IGFBP7: variants seen among roughly 807,000 people sequenced by gnomAD.
IGFBP7 encodes insulin like growth factor binding protein 7, also known as insulin-like growth factor-binding protein 7.
Under a neutral mutation model 29.4 loss-of-function variants are expected in IGFBP7, and 31 were observed. The ratio of observed to expected loss-of-function variants is 1.05; its 90% CI spans 0.79 to 1.42. The LOEUF (loss-of-function observed/expected upper bound fraction) is 1.42. Ranked by LOEUF, IGFBP7 falls within the 40% of genes most tolerant of loss-of-function variation. IGFBP7 has a pLI of 0.00. For missense variants in IGFBP7, 393 were observed against 395.5 expected (o/e 0.99, Z 0.05); for synonymous variants, 172 against 174.9 (o/e 0.98, Z 0.13).
intron 1 of IGFBP7, among the ~76,000 whole-genome samples, chr4:57,047,312 T>A (rs955521253): frequency 6.6e-6 from 1 of 152,224 alleles, no homozygotes; most frequent in Non-Finnish European, 1.5e-5. Context: ...ACTTTGCTCC[T>A]CCTTCGCCTT....
chr4:57,061,339 C>T (rs1724795080), intron 1 of IGFBP7, among the ~76,000 whole-genome samples: 1 of 151,858 alleles, frequency 6.6e-6, no homozygotes, highest in Non-Finnish European at 1.5e-5. Flanking sequence ...ATATACATAC[C>T]TCTGATAAAA....
At chr4:57,109,791 G>A (rs1248801755) in intron 1 of IGFBP7, 86 bp downstream of exon 1, 3 of 1,431,784 alleles carry the variant, frequency 2.1e-6, no homozygotes, top group Middle Eastern at 2.5e-4. Flanking sequence ...AGCAGCGCGG[G>A]GCGAGGCCGC....
chr4:57,063,693 T>A (rs1283320952), intron 1 of IGFBP7, among the ~76,000 whole-genome samples: 2 of 152,174 alleles, frequency 1.3e-5, no homozygotes, highest in Admixed American at 6.5e-5. Context: ...GAGATTTTGA[T>A]TAACTGTGAC....
intron 1 of IGFBP7, among the ~76,000 whole-genome samples, chr4:57,045,433 A>G (rs1424192955): frequency 6.6e-6 from 1 of 152,252 alleles, no homozygotes; most frequent in Non-Finnish European, 1.5e-5. Flanking sequence ...GTGCTAAGAA[A>G]TAAGGCTACA....
At chr4:57,061,042 C>T (rs948097852) in intron 1 of IGFBP7, among the ~76,000 whole-genome samples, 14 of 143,496 alleles carry the variant, frequency 9.8e-5, no homozygotes, top group Non-Finnish European at 1.7e-4. Flanking sequence ...GGGGCAACAG[C>T]GAGATTTCGT....
chr4:57,076,317 T>G (rs1177999859), intron 1 of IGFBP7, among the ~76,000 whole-genome samples: 1 of 152,154 alleles, frequency 6.6e-6, no homozygotes, highest in Non-Finnish European at 1.5e-5. Flanking sequence ...GCTGATCTCT[T>G]TACTAGAACC....
intron 1 of IGFBP7, among the ~76,000 whole-genome samples, chr4:57,076,088 G>A (rs1326688731): frequency 6.6e-6 from 1 of 152,224 alleles, no homozygotes; most frequent in South Asian, 2.1e-4. Context: ...CAGGGTGCGA[G>A]CATGGTAGGG....
At chr4:57,038,840 G>T (rs1198723052) in intron 2 of IGFBP7, among the ~76,000 whole-genome samples, 2 of 152,084 alleles carry the variant, frequency 1.3e-5, no homozygotes, top group African/African-American at 2.4e-5. Flanking sequence ...GGCAAGGTGG[G>T]CGTATCACCT....
chr4:57,090,675 A>G (rs1309179297), intron 1 of IGFBP7, among the ~76,000 whole-genome samples: 1 of 152,068 alleles, frequency 6.6e-6, no homozygotes, highest in African/African-American at 2.4e-5. Flanking sequence ...CGTCTCTACT[A>G]AAAATACCCA....
At chr4:57,054,521 C>A (rs1578619603) in intron 1 of IGFBP7, among the ~76,000 whole-genome samples, 1 of 151,918 alleles carries the variant, frequency 6.6e-6, no homozygotes, top group East Asian at 1.9e-4. Flanking sequence ...TGCCTGTAGT[C>A]CCAGCTACTT....
At chr4:57,079,898 C>T (rs1412171978) in intron 1 of IGFBP7, among the ~76,000 whole-genome samples, 1 of 152,132 alleles carries the variant, frequency 6.6e-6, no homozygotes, top group African/African-American at 2.4e-5. Flanking sequence ...CTCAGGTAAT[C>T]CTCACAGAAA....
At chr4:57,105,629 A>G (rs1243980941) in intron 1 of IGFBP7, among the ~76,000 whole-genome samples, 2 of 152,240 alleles carry the variant, frequency 1.3e-5, no homozygotes, top group African/African-American at 2.4e-5. Flanking sequence ...CCCTGGGCAG[A>G]CAGGTCAAAT....
chr4:57,063,632 C>A (rs1016312536), intron 1 of IGFBP7, among the ~76,000 whole-genome samples: 16 of 152,128 alleles, frequency 1.1e-4, no homozygotes, highest in African/African-American at 3.6e-4. Flanking sequence ...TACTTTTATT[C>A]CACAGTTTGT....
intron 1 of IGFBP7, among the ~76,000 whole-genome samples, chr4:57,046,248 C>T (rs1225848471): frequency 3.9e-5 from 6 of 152,094 alleles, no homozygotes; most frequent in Non-Finnish European, 8.8e-5. Context: ...TATCATCCCA[C>T]ACATTCCATT....
chr4:57,041,701 ATTTTTAT>A (rs373343684), intron 1 of IGFBP7, among the ~76,000 whole-genome samples: 1 of 151,744 alleles, frequency 6.6e-6, no homozygotes, highest in Non-Finnish European at 1.5e-5. Flanking sequence ...ATGTCAGTTA[ATTTTTAT>A]TTTTTATTTT....
At chr4:57,065,083 T>G (rs2109769410) in intron 1 of IGFBP7, among the ~76,000 whole-genome samples, 1 of 152,352 alleles carries the variant, frequency 6.6e-6, no homozygotes, top group East Asian at 1.9e-4. Context: ...CCCCTGAGCC[T>G]TGGATCTGGA....
At chr4:57,086,079 C>T (rs1462361010) in intron 1 of IGFBP7, among the ~76,000 whole-genome samples, 5 of 152,162 alleles carry the variant, frequency 3.3e-5, no homozygotes, top group African/African-American at 1.2e-4. Flanking sequence ...TTTCACATGG[C>T]TTGGGAGGCC....
At chr4:57,074,067 C>T (rs112633206) in intron 1 of IGFBP7, among the ~76,000 whole-genome samples, 110,511 of 148,122 alleles carry the variant, frequency 0.75, 41,269 homozygotes, top group East Asian at 0.86. Context: ...CTCTCTCTCT[C>T]TTTTTTCTTT....
chr4:57,035,684 C>T (rs1724068977), intron 2 of IGFBP7, among the ~76,000 whole-genome samples: 1 of 152,184 alleles, frequency 6.6e-6, no homozygotes, highest in African/African-American at 2.4e-5. Flanking sequence ...TGGTCTCGAA[C>T]TCCTGACCTT....
Sources: gnomAD v4.1 joint callset for allele counts (sites outside exome capture counted in the v4.1 genomes callset) on GRCh38, gnomAD v4.1.1 for gene constraint, MANE v1.5 for transcripts, NCBI Gene and HGNC (gene_info 2026-07-23, HGNC 2026-07-21) for gene names.